DIPK2B: variants seen among roughly 807,000 people sequenced by gnomAD.
DIPK2B encodes the protein UPF0672 protein CXorf36.
DIPK2B carries 15 observed loss-of-function variants against 22.2 expected under a neutral mutation model. The ratio of observed to expected loss-of-function variants is 0.68; its 90% confidence interval spans 0.45 to 1.04. The LOEUF (loss-of-function observed/expected upper bound fraction) is 1.04, where lower values mean the gene tolerates loss of function less well. DIPK2B is among the 50% of genes least tolerant of loss of function. The pLI, the probability that DIPK2B is intolerant of heterozygous loss-of-function variation, is 0.00. For missense variants in DIPK2B, 345 were observed against 348.3 expected (o/e 0.99, Z 0.08); for synonymous variants, 163 against 153.2 (o/e 1.06, Z -0.47).
At chrX:45,197,424 G>C (rs1039241848) in intron 1 of DIPK2B, among the ~76,000 whole-genome samples, 3 of 111,566 alleles carry the variant, frequency 2.7e-5, no homozygotes, top group Non-Finnish European at 3.8e-5. Context: ...TTTTAGTAGA[G>C]ACGGGTTTTC....
chrX:45,194,247 A>G (rs2047226898), intron 1 of DIPK2B, among the ~76,000 whole-genome samples: 1 of 53,665 alleles, frequency 1.9e-5, no homozygotes, highest in Non-Finnish European at 3.7e-5. Flanking sequence ...ACCCCAAGGA[A>G]CCCATTAATT....
intron 3 of DIPK2B, among the ~76,000 whole-genome samples, 154 bp from the exon 4 acceptor site, chrX:45,154,352 T>A (rs1378381670): frequency 1.8e-5 from 2 of 109,602 alleles, no homozygotes; most frequent in East Asian, 5.7e-4. Context: ...ATATCTATCA[T>A]CTATCTCTAT....
intron 4 of DIPK2B, among the ~76,000 whole-genome samples, chrX:45,152,364 A>AC (rs1402573237): frequency 9.1e-6 from 1 of 109,730 alleles, no homozygotes; most frequent in Non-Finnish European, 1.9e-5. Flanking sequence ...TCTCAAAAAA[A>AC]AAAAATTACT....
intron 3 of DIPK2B, among the ~76,000 whole-genome samples, chrX:45,156,833 G>A (rs1227669246): frequency 9.0e-6 from 1 of 111,595 alleles, no homozygotes; most frequent in Non-Finnish European, 1.9e-5. Flanking sequence ...TTTGGCCGGT[G>A]TTTATTAACT....
chrX:45,193,820 G>T (rs1427084005), intron 1 of DIPK2B, among the ~76,000 whole-genome samples: 1 of 111,379 alleles, frequency 9.0e-6, no homozygotes, highest in Non-Finnish European at 1.9e-5. Flanking sequence ...CTCCCCTCTA[G>T]GTGGATAAGG....
intron 2 of DIPK2B, chrX:45,162,615 T>C: frequency 1.3e-6 from 1 of 754,591 alleles, no homozygotes; most frequent in Non-Finnish European, 1.6e-6. Flanking sequence ...TCAAACCAGA[T>C]ACACCCATTT....
At chrX:45,174,105 G>A (rs951246796) in intron 2 of DIPK2B, among the ~76,000 whole-genome samples, 3 of 111,687 alleles carry the variant, frequency 2.7e-5, no homozygotes, top group Non-Finnish European at 5.7e-5. Flanking sequence ...GAGCTGAGAA[G>A]GAGGTGCTGG....
intron 2 of DIPK2B, among the ~76,000 whole-genome samples, chrX:45,178,191 T>A (rs1487448685): frequency 8.9e-6 from 1 of 112,330 alleles, no homozygotes; most frequent in Non-Finnish European, 1.9e-5. Flanking sequence ...TATGCTGGGC[T>A]GAAAAACCAC....
At chrX:45,193,293 T>C (rs1437866451) in intron 1 of DIPK2B, among the ~76,000 whole-genome samples, 2 of 112,407 alleles carry the variant, frequency 1.8e-5, no homozygotes, top group African/African-American at 3.2e-5. Context: ...GCATGTGACA[T>C]GTTATATATT....
At chrX:45,161,010 G>A (rs2047019894) in intron 2 of DIPK2B, among the ~76,000 whole-genome samples, 1 of 111,736 alleles carries the variant, frequency 8.9e-6, no homozygotes, top group Non-Finnish European at 1.9e-5. Context: ...ACCAGTCAAT[G>A]AGATATAAGT....
At chrX:45,162,232 G>T in intron 2 of DIPK2B, 1 of 258,444 alleles carries the variant, frequency 3.9e-6, no homozygotes, top group Non-Finnish European at 5.4e-6. Context: ...CCCAGCTGAT[G>T]CCATGTGGAG....
chrX:45,184,627 C>T (rs190495494), intron 2 of DIPK2B, among the ~76,000 whole-genome samples: 1 of 111,918 alleles, frequency 8.9e-6, no homozygotes, highest in African/African-American at 3.2e-5. Context: ...AAGAGAGAAG[C>T]GCTAACACAA....
chrX:45,191,133 G>A (rs2047208843), intron 2 of DIPK2B, among the ~76,000 whole-genome samples: 1 of 112,187 alleles, frequency 8.9e-6, no homozygotes, highest in Non-Finnish European at 1.9e-5. Context: ...AGTACAGGAG[G>A]GAACCAATGC....
At chrX:45,197,323 C>T (rs1257655155) in intron 1 of DIPK2B, among the ~76,000 whole-genome samples, 6 of 110,458 alleles carry the variant, frequency 5.4e-5, no homozygotes, top group East Asian at 2.8e-4. Context: ...CTGCAGCCTC[C>T]GCCTCCCGGG....
intron 2 of DIPK2B, among the ~76,000 whole-genome samples, chrX:45,161,788 G>A (rs2047023940): frequency 8.9e-6 from 1 of 111,842 alleles, no homozygotes; most frequent in Admixed American, 9.5e-5. Context: ...AAGAAAGGAG[G>A]TGTCAGAGAT....
chrX:45,176,219 G>T (rs1448320673), intron 2 of DIPK2B, among the ~76,000 whole-genome samples: 2 of 110,540 alleles, frequency 1.8e-5, no homozygotes, highest in Non-Finnish European at 3.8e-5. Context: ...AAGCCAGAGA[G>T]ATCAGATGGA....
intron 4 of DIPK2B, among the ~76,000 whole-genome samples, chrX:45,152,934 A>T (rs2046969321): frequency 8.9e-6 from 1 of 111,873 alleles, no homozygotes; most frequent in Non-Finnish European, 1.9e-5. Flanking sequence ...CTGTCTCAAA[A>T]ACAAAAATAA....
At chrX:45,197,701 T>A (rs2047246777) in intron 1 of DIPK2B, among the ~76,000 whole-genome samples, 2 of 111,822 alleles carry the variant, frequency 1.8e-5, no homozygotes, top group African/African-American at 6.5e-5. Context: ...TCAGAAGAAA[T>A]TCAAACTAAA....
At chrX:45,152,480 T>A (rs2046967113) in intron 4 of DIPK2B, among the ~76,000 whole-genome samples, 2 of 111,737 alleles carry the variant, frequency 1.8e-5, no homozygotes, top group Non-Finnish European at 3.8e-5. Flanking sequence ...TCCACTCTGC[T>A]ACAATAGAGT....
Sources: gnomAD v4.1 joint callset for allele counts (sites outside exome capture counted in the v4.1 genomes callset) on GRCh38, gnomAD v4.1.1 for gene constraint, MANE v1.5 for transcripts, NCBI Gene and HGNC (gene_info 2026-07-23, HGNC 2026-07-21) for gene names.